Variants in DAB1 observed in about 807,000 individuals in gnomAD.
The protein encoded by DAB1 is DAB adaptor protein 1.
Under a neutral mutation model 64.6 loss-of-function variants are expected in DAB1, and 15 were observed. The ratio of observed to expected loss-of-function variants is 0.23; its 90% CI spans 0.16 to 0.36. DAB1 has a LOEUF of 0.36. Among genes scored for constraint, DAB1 ranks in the 10% least tolerant of loss-of-function variants. The probability of loss-of-function intolerance (pLI) is 1.00; values close to 1 mark genes in which losing one functional copy is unlikely to be tolerated. For missense variants in DAB1, 596 were observed against 706.7 expected (o/e 0.84, Z 1.78); for synonymous variants, 235 against 251.9 (o/e 0.93, Z 0.64).
intron 3 of DAB1, among the ~76,000 whole-genome samples, chr1:58,439,213 T>A (rs1387822989): frequency 6.6e-6 from 1 of 151,812 alleles, no homozygotes; most frequent in African/African-American, 2.4e-5. Context: ...TCTCCCACCT[T>A]CTCTATTCAG....
intron 4 of DAB1, among the ~76,000 whole-genome samples, chr1:57,110,736 T>A (rs1655579600): frequency 6.6e-6 from 1 of 152,104 alleles, no homozygotes; most frequent in Non-Finnish European, 1.5e-5. Flanking sequence ...ATCTATTGAC[T>A]CCTTGCTATA....
intron 5 of DAB1, among the ~76,000 whole-genome samples, chr1:57,969,403 A>G (rs1227821368): frequency 1.3e-5 from 2 of 151,996 alleles, no homozygotes; most frequent in Non-Finnish European, 2.9e-5. Context: ...AGTGCAGTGG[A>G]GCCATCTTGG....
chr1:58,193,626 C>G (rs190401376), intron 4 of DAB1, among the ~76,000 whole-genome samples: 1 of 152,038 alleles, frequency 6.6e-6, no homozygotes, highest in Non-Finnish European at 1.5e-5. Flanking sequence ...GAGGTCGAGG[C>G]GGGTGGATCA....
intron 7 of DAB1, among the ~76,000 whole-genome samples, chr1:57,628,126 T>C (rs976656818): frequency 6.6e-6 from 1 of 152,212 alleles, no homozygotes; most frequent in Non-Finnish European, 1.5e-5. Flanking sequence ...CTCTGCCTCG[T>C]GGGTGTGACC....
At chr1:57,059,439 C>G (rs534455) in intron 9 of DAB1, among the ~76,000 whole-genome samples, 92,028 of 151,960 alleles carry the variant, frequency 0.61, 28,283 homozygotes, top group Middle Eastern at 0.77. Context: ...GGAAGTCTTA[C>G]GACTTTCTGG....
At chr1:57,765,150 A>G (rs1649255000) in intron 6 of DAB1, among the ~76,000 whole-genome samples, 2 of 152,198 alleles carry the variant, frequency 1.3e-5, no homozygotes, top group Admixed American at 6.5e-5. Flanking sequence ...ACTATGAACC[A>G]TGAAGAAGAA....
chr1:57,853,593 C>A (rs187660049), intron 1 of DAB1, among the ~76,000 whole-genome samples: 1 of 152,034 alleles, frequency 6.6e-6, no homozygotes, highest in Non-Finnish European at 1.5e-5. Context: ...ATAAAATGAA[C>A]GAATAAATGA....
chr1:57,321,639 G>A (rs1024385316), intron 1 of DAB1, among the ~76,000 whole-genome samples: 6 of 152,130 alleles, frequency 3.9e-5, no homozygotes, highest in Admixed American at 3.9e-4. Context: ...AAAGATTATG[G>A]GTTTTGAGTC....
chr1:58,164,507 C>T (rs538367366), intron 4 of DAB1, among the ~76,000 whole-genome samples: 2 of 152,308 alleles, frequency 1.3e-5, no homozygotes, highest in South Asian at 4.1e-4. Context: ...TTCCAGTCGG[C>T]TCTGATTTTT....
At chr1:57,206,795 G>A (rs1665574975) in intron 2 of DAB1, among the ~76,000 whole-genome samples, 1 of 152,130 alleles carries the variant, frequency 6.6e-6, no homozygotes, top group Non-Finnish European at 1.5e-5. Flanking sequence ...GCGTTTTGGA[G>A]TCAGAAAGAC....
chr1:58,472,047 G>T (rs1645365373), intron 3 of DAB1, among the ~76,000 whole-genome samples: 1 of 152,204 alleles, frequency 6.6e-6, no homozygotes, highest in South Asian at 2.1e-4. Flanking sequence ...CTTCATAAAT[G>T]TTAACTATTA....
intron 5 of DAB1, among the ~76,000 whole-genome samples, chr1:57,947,491 A>T (rs1645201491): frequency 6.6e-6 from 1 of 152,164 alleles, no homozygotes; most frequent in Admixed American, 6.6e-5. Flanking sequence ...CCCTAGGTCT[A>T]CCCACTAAAT....
chr1:58,006,731 T>A (rs1487176053), intron 5 of DAB1, among the ~76,000 whole-genome samples: 1 of 152,166 alleles, frequency 6.6e-6, no homozygotes, highest in Non-Finnish European at 1.5e-5. Context: ...GCAAGAAGGA[T>A]ACTCTGACCC....
chr1:57,754,759 C>T (rs1317951403), intron 6 of DAB1, among the ~76,000 whole-genome samples: 2 of 152,170 alleles, frequency 1.3e-5, no homozygotes, highest in Admixed American at 6.5e-5. Context: ...AGGTCTGCCA[C>T]TGGTCCAAGG....
chr1:57,664,559 T>C lies in DAB1; in HGVS notation n.552-14894A>G, dbSNP rs535751579. 3.3e-5 allele frequency among the ~76,000 whole-genome samples: 5 copies of C among 152,264 alleles called. No homozygotes were observed. The South Asian group carries it at 8.3e-4, about 25-fold the overall frequency. ...ATAGGTTTGAAGGACAATTTGATAA[T>C]ATGTAATAAAAACATTAAAATTTGC... is the stretch of plus-strand genomic sequence containing the variant. On this transcript the variant is annotated intron_variant and non_coding_transcript_variant, in intron 6 of 20. Transcript: ENST00000485760.
chr1:57,135,851 T>C (rs1658034845), intron 4 of DAB1, among the ~76,000 whole-genome samples: 1 of 152,148 alleles, frequency 6.6e-6, no homozygotes, highest in Non-Finnish European at 1.5e-5. Flanking sequence ...ACTGAATAAA[T>C]ATAAGGAAAA....
At chr1:58,023,981 C>T (rs546780433) in intron 5 of DAB1, among the ~76,000 whole-genome samples, 4 of 152,266 alleles carry the variant, frequency 2.6e-5, no homozygotes, top group Non-Finnish European at 4.4e-5. Flanking sequence ...ACTGTCAAAC[C>T]CAGCCTCTTC....
At chr1:57,416,353 C>T (rs1039123292) in intron 1 of DAB1, among the ~76,000 whole-genome samples, 35 of 152,004 alleles carry the variant, frequency 2.3e-4, no homozygotes, top group Non-Finnish European at 4.0e-4. Flanking sequence ...CTTGGGGACC[C>T]CAAGGAATGG....
intron 5 of DAB1, among the ~76,000 whole-genome samples, chr1:57,922,377 G>A (rs1187140931): frequency 1.3e-5 from 2 of 151,904 alleles, no homozygotes; most frequent in Non-Finnish European, 2.9e-5. Context: ...AAGGAAGAAA[G>A]GAAGGAAAGA....
Sources: allele counts gnomAD v4.1 joint callset (sites outside exome capture counted in the v4.1 genomes callset), GRCh38; gene constraint gnomAD v4.1.1; transcripts MANE v1.5; gene names NCBI Gene and HGNC (gene_info 2026-07-23, HGNC 2026-07-21).